Variants in JAKMIP2 observed in about 807,000 individuals in gnomAD.
The protein encoded by JAKMIP2 is janus kinase and microtubule interacting protein 2.
In JAKMIP2, 25 loss-of-function variants were observed where a neutral mutation model predicts 115.0. The observed-to-expected ratio is 0.22, with a 90% confidence interval of 0.16 to 0.30. The LOEUF is 0.30. Among genes scored for constraint, JAKMIP2 ranks in the 10% least tolerant of loss-of-function variants. The pLI, the probability that JAKMIP2 is intolerant of heterozygous loss-of-function variation, is 1.00. For missense variants in JAKMIP2, 642 were observed against 957.6 expected, an observed-to-expected ratio of 0.67 and a Z score of 4.35; for synonymous variants, 334 against 343.6, an observed-to-expected ratio of 0.97 and a Z score of 0.31.
At chr5:147,726,548 TGA>T (rs1330322337) in intron 1 of JAKMIP2, among the ~76,000 whole-genome samples, 2 of 152,238 alleles carry the variant, frequency 1.3e-5, no homozygotes, top group Non-Finnish European at 2.9e-5. Context: ...AAAGAATTTG[TGA>T]GGTACGTCTG....
chr5:147,696,633 C>G (rs1379920930), intron 1 of JAKMIP2, among the ~76,000 whole-genome samples: 2 of 152,136 alleles, frequency 1.3e-5, no homozygotes, highest in Non-Finnish European at 2.9e-5. Flanking sequence ...AATGTGGAAG[C>G]AACTTTGGAA....
At chr5:147,782,430 A>G in intron 1 of JAKMIP2, 26 bp downstream of exon 1, 1 of 1,535,628 alleles carries the variant, frequency 6.5e-7, no homozygotes, top group Non-Finnish European at 8.7e-7. Flanking sequence ...TAAACCAAGA[A>G]GGGAGCCCTA....
At chr5:147,708,006 T>C (rs1458427749) in intron 1 of JAKMIP2, among the ~76,000 whole-genome samples, 2 of 152,162 alleles carry the variant, frequency 1.3e-5, no homozygotes, top group Admixed American at 1.3e-4. Flanking sequence ...GCAATTTAAA[T>C]TGGTATTTTA....
intron 1 of JAKMIP2, among the ~76,000 whole-genome samples, chr5:147,768,671 C>T (rs1230299787): frequency 6.6e-6 from 1 of 152,054 alleles, no homozygotes; most frequent in Admixed American, 6.6e-5. Flanking sequence ...CATTACAATG[C>T]GTAATAAACA....
At chr5:147,652,541 A>T (rs768452604) in intron 3 of JAKMIP2, among the ~76,000 whole-genome samples, 1 of 152,176 alleles carries the variant, frequency 6.6e-6, no homozygotes, top group Non-Finnish European at 1.5e-5. Context: ...TTCAGTTCCA[A>T]AAATGGAGCT....
intron 21 of JAKMIP2, among the ~76,000 whole-genome samples, chr5:147,597,433 T>G (rs570299212): frequency 1.3e-5 from 2 of 152,302 alleles, no homozygotes; most frequent in Non-Finnish European, 2.9e-5. Context: ...TGGAGAAATA[T>G]CATTAAAATT....
In JAKMIP2 at chr5:147,587,639, T is replaced by C. The variant is rs1055455974; in HGVS notation, c.*4068A>G. 1 of 152,196 alleles carries C rather than the reference T, an allele frequency of 6.6e-6. No individual in the cohort carries two copies. Among genetic ancestry groups the C allele is most frequent in the African/African-American group, 2.4e-5 (1 of 41,460 alleles). 9.4% of individuals were successfully genotyped at this position (152,196 alleles called of 1,614,324 possible). A position where few individuals can be genotyped will look rare whatever the true frequency, so the allele number is the denominator to read the frequency against. On this transcript the variant is annotated 3_prime_UTR_variant, in exon 22 of 22. Coordinates refer to ENST00000616793, the MANE Select transcript of JAKMIP2 (RefSeq NM_001270941.2). ...ACCTAGGCAGGTTAAAAAGACGTGCTTCATTTTGAAACAATGAACTTGTGA... is the reference window on the plus strand; with the variant it reads ...ACCTAGGCAGGTTAAAAAGACGTGCCTCATTTTGAAACAATGAACTTGTGA...
At chr5:147,698,064 T>C (rs1156533624) in intron 1 of JAKMIP2, among the ~76,000 whole-genome samples, 1 of 152,150 alleles carries the variant, frequency 6.6e-6, no homozygotes, top group Non-Finnish European at 1.5e-5. Flanking sequence ...TCCTGCAAAG[T>C]CACAGGAGCG....
intron 4 of JAKMIP2, among the ~76,000 whole-genome samples, chr5:147,649,557 G>A (rs760204915): frequency 5.3e-5 from 8 of 151,882 alleles, no homozygotes; most frequent in Non-Finnish European, 8.8e-5. Context: ...GCTATATTGC[G>A]GGTACCTGTC....
intron 17 of JAKMIP2, among the ~76,000 whole-genome samples, chr5:147,621,430 C>T (rs1756842385): frequency 6.6e-6 from 1 of 152,238 alleles, no homozygotes; most frequent in African/African-American, 2.4e-5. Flanking sequence ...ACAAAGACTT[C>T]TTCCAACTCT....
intron 13 of JAKMIP2, 60 bp downstream of exon 13, chr5:147,632,620 G>A (rs1757418081): frequency 9.4e-7 from 1 of 1,069,008 alleles, no homozygotes. Flanking sequence ...GCTCCTCAAT[G>A]TGCTCTGTGC....
Position 147,650,306 on chromosome 5 carries a change from T to A in JAKMIP2, c.837+32A>T, listed in dbSNP as rs776575956. ...TGGGAGCTAAATAAAAGATGACTTG[T>A]GCATTCTTAACTTCAACTAGAATGG... On this transcript the variant is annotated intron_variant, in intron 4 of 21. Transcript: ENST00000616793. The A allele has an allele frequency of 6.7e-6, 9 of 1,344,096 alleles. No homozygotes were observed. The South Asian group carries it at 1.0e-4, about 16-fold the overall frequency. The allele number at this position is 1,344,096 out of a possible 1,614,324, so 83.3% of individuals were successfully genotyped here. A position where few individuals can be genotyped will look rare whatever the true frequency, so the allele number is the denominator to read the frequency against.
chr5:147,612,370 C>T lies in JAKMIP2; in HGVS notation c.2348G>A (p.Arg783Lys), dbSNP rs1394562527. The T allele has an allele frequency of 1.9e-6, 3 of 1,541,798 alleles. No homozygotes were observed. The South Asian group carries it at 3.5e-5, about 18-fold the overall frequency. ...RMELLQQAHQ[R>K]IRDLEDKTDI... ...TGTTTTATCTTCTAAGTCACGAATT[C>T]TCTGAAGAAAGAAAAGAAAAGAAAG... is the stretch of plus-strand genomic sequence containing the variant. The change falls in exon 20 of 22, where the codon AGA (arginine) becomes AAA (lysine). Residue 783 changes from arginine to lysine, a missense_variant and splice_region_variant. Physicochemically the swap from Arg to Lys is conservative, Grantham distance 26. Around this residue, in one of 6 missense-constraint regions of JAKMIP2, gnomAD observed 26 missense variants for 50.5 expected, o/e 0.51. Coordinates refer to ENST00000616793, the MANE Select transcript of JAKMIP2 (RefSeq NM_001270941.2).
At chr5:147,618,208 C>A in intron 18 of JAKMIP2, 94 bp from the exon 19 acceptor site, 1 of 868,198 alleles carries the variant, frequency 1.2e-6, no homozygotes, top group South Asian at 1.5e-5. Flanking sequence ...ATATGGCTGC[C>A]AACTTTAGGC....
intron 14 of JAKMIP2, among the ~76,000 whole-genome samples, chr5:147,630,556 A>G (rs1581320917): frequency 6.6e-6 from 1 of 152,172 alleles, no homozygotes; most frequent in African/African-American, 2.4e-5. Flanking sequence ...TCCACTTTTT[A>G]CCGTATTAGT....
At chr5:147,688,779 C>T (rs1760695073) in intron 1 of JAKMIP2, among the ~76,000 whole-genome samples, 1 of 152,182 alleles carries the variant, frequency 6.6e-6, no homozygotes, top group African/African-American at 2.4e-5. Context: ...AATAAGTGCT[C>T]TGTTCTAAAA....
At chr5:147,689,081 G>A (rs1208774688) in intron 1 of JAKMIP2, among the ~76,000 whole-genome samples, 1 of 152,114 alleles carries the variant, frequency 6.6e-6, no homozygotes. Context: ...TTGATTAAAG[G>A]CTGATGCCTG....
At chr5:147,606,983 T>C (rs1756051647) in intron 20 of JAKMIP2, among the ~76,000 whole-genome samples, 1 of 152,288 alleles carries the variant, frequency 6.6e-6, no homozygotes, top group Non-Finnish European at 1.5e-5. Context: ...CTGTCTATTA[T>C]TGGTGTATAG....
chr5:147,777,745 T>C (rs1206184134), intron 1 of JAKMIP2, among the ~76,000 whole-genome samples: 2 of 152,158 alleles, frequency 1.3e-5, no homozygotes, highest in African/African-American at 4.8e-5. Flanking sequence ...TAAAGGACAC[T>C]TTTTCCAAAT....
Sources: gnomAD v4.1 joint callset for allele counts (sites outside exome capture counted in the v4.1 genomes callset) on GRCh38, gnomAD v4.1.1 for gene constraint, gnomAD v4.1.1 regional missense constraint, MANE v1.5 for transcripts, NCBI Gene and HGNC (gene_info 2026-07-23, HGNC 2026-07-21) for gene names.